The following GABPA variants were observed in gnomAD, a reference collection of about 807,000 sequenced individuals.
The protein encoded by GABPA is GA binding protein transcription factor subunit alpha.
A neutral mutation model predicts 59.4 loss-of-function variants in GABPA; 4 were observed. The ratio of observed to expected loss-of-function variants is 0.07; its 90% CI spans 0.03 to 0.15. GABPA has a LOEUF of 0.15. GABPA is among the 10% of genes least tolerant of loss of function. The pLI, the probability that GABPA is intolerant of heterozygous loss-of-function variation, is 1.00. For synonymous variants in GABPA, 164 were observed against 183.1 expected, an observed-to-expected ratio of 0.90 and a Z score of 0.84; for missense variants, 251 against 543.8, an observed-to-expected ratio of 0.46 and a Z score of 5.36.
In GABPA at chr21:25,735,041, CAG is replaced by C; in HGVS notation, c.-562_-561del. ...TGCGACCGGACGGGTCTAGGTGAGACAGAAGCCAAACAGGAGGAGGAAGTGGA... is the reference window on the plus strand; with the variant it reads ...TGCGACCGGACGGGTCTAGGTGAGACAAGCCAAACAGGAGGAGGAAGTGGA... On this transcript the variant is annotated 5_prime_UTR_variant, in exon 1 of 10. Coordinates refer to ENST00000400075, the MANE Select transcript of GABPA (RefSeq NM_002040.4). The C allele has an allele frequency of 7.1e-7, 1 of 1,408,360 alleles. No individual in the cohort carries two copies. The highest frequency in any genetic ancestry group is 9.7e-7 in the Non-Finnish European group (1 of 1,025,730). The allele number at this position is 1,408,360 out of a possible 1,614,324, so 87.2% of individuals were successfully genotyped here.
intron 5 of GABPA, among the ~76,000 whole-genome samples, chr21:25,755,099 G>A (rs1260467731): frequency 6.6e-6 from 1 of 151,926 alleles, no homozygotes; most frequent in Admixed American, 6.6e-5. Context: ...TTAATGCGAA[G>A]TTCTGAAGGA....
rs1469397709 is a variant in GABPA at position 25,769,994 on chromosome 21, T to A, written c.*762T>A. 3 of 152,602 alleles carry A rather than the reference T, an allele frequency of 2.0e-5. No individual in the cohort carries two copies. The highest frequency in any genetic ancestry group is 2.9e-5 in the Non-Finnish European group (2 of 68,006). The allele number at this position is 152,602 out of a possible 1,614,324, so 9.5% of individuals were successfully genotyped here. On this transcript the variant is annotated 3_prime_UTR_variant, in exon 10 of 10. Coordinates refer to ENST00000400075, the MANE Select transcript of GABPA (RefSeq NM_002040.4). ...CTGTTATAAAAATTATAAAATGATCTCTGTTTTTCCTGTCAGAGATTTAAA... is the reference window on the plus strand; with the variant it reads ...CTGTTATAAAAATTATAAAATGATCACTGTTTTTCCTGTCAGAGATTTAAA...
intron 7 of GABPA, chr21:25,763,208 CT>C (rs2035806101): frequency 5.9e-6 from 3 of 510,482 alleles, no homozygotes; most frequent in East Asian, 5.1e-5. Flanking sequence ...TCTTAAACAT[CT>C]TTCATTAAAA....
At chr21:25,752,325 T>G in intron 5 of GABPA, 91 bp downstream of exon 5, 1 of 1,264,048 alleles carries the variant, frequency 7.9e-7, no homozygotes, top group South Asian at 1.5e-5. Flanking sequence ...CTATTTTACA[T>G]GTAGAGTTAT....
chr21:25,763,158 C>T (rs1039642289), intron 7 of GABPA: 3 of 511,784 alleles, frequency 5.9e-6, no homozygotes, highest in Non-Finnish European at 1.1e-5. Context: ...TGCATTTTCT[C>T]TTGGCATGTT....
chr21:25,756,081 T>C (rs2829893), intron 5 of GABPA, among the ~76,000 whole-genome samples: 5,361 of 152,324 alleles, frequency 0.035, 301 homozygotes, highest in African/African-American at 0.12. Context: ...ACTGTTGTTT[T>C]ACTAGAGTCT....
chr21:25,738,051 T>A (rs1477467192), intron 1 of GABPA, among the ~76,000 whole-genome samples: 1 of 152,218 alleles, frequency 6.6e-6, no homozygotes, highest in African/African-American at 2.4e-5. Flanking sequence ...AGAATTTTTC[T>A]GGAATGCTTA....
chr21:25,752,673 G>T (rs2035543274), intron 5 of GABPA, among the ~76,000 whole-genome samples: 1 of 152,176 alleles, frequency 6.6e-6, no homozygotes. Context: ...GAAATGTTAT[G>T]TGCAAAGCTT....
intron 1 of GABPA, among the ~76,000 whole-genome samples, chr21:25,735,967 A>G (rs2035042350): frequency 6.6e-6 from 1 of 152,158 alleles, no homozygotes; most frequent in African/African-American, 2.4e-5. Context: ...TTTTAAGAGC[A>G]AAATGCAGAC....
At chr21:25,756,576 C>T (rs1244501985) in intron 5 of GABPA, among the ~76,000 whole-genome samples, 1 of 152,166 alleles carries the variant, frequency 6.6e-6, no homozygotes. Flanking sequence ...TTCATCTTGT[C>T]CTGTTGTACT....
chr21:25,764,854 C>A, intron 9 of GABPA, 67 bp downstream of exon 9: 1 of 1,170,912 alleles, frequency 8.5e-7, no homozygotes, highest in Non-Finnish European at 1.2e-6. Flanking sequence ...GTTTCTTATT[C>A]TAGATGTAAT....
At chr21:25,745,489 GT>G in intron 3 of GABPA, 135 bp downstream of exon 3, 2 of 720,312 alleles carry the variant, frequency 2.8e-6, no homozygotes, top group Non-Finnish European at 4.1e-6. Context: ...AAATTTAAGT[GT>G]TTAGAAATAA....
intron 6 of GABPA, among the ~76,000 whole-genome samples, chr21:25,759,078 A>AT (rs1491521592): frequency 6.7e-6 from 1 of 149,292 alleles, no homozygotes; most frequent in Non-Finnish European, 1.5e-5. Flanking sequence ...TGGAAAAAAA[A>AT]GAGAGAGAGA....
In GABPA at chr21:25,735,170, T is replaced by C; in HGVS notation, c.-435T>C. The C allele has an allele frequency of 1.6e-6, 1 of 615,950 alleles. No individual in the cohort carries two copies. The highest frequency in any genetic ancestry group is 1.9e-5 in the South Asian group (1 of 52,950). 38.2% of individuals were successfully genotyped at this position (615,950 alleles called of 1,614,324 possible). On this transcript the variant is annotated 5_prime_UTR_variant, in exon 1 of 10. An upstream start codon of the reference 5' UTR is lost. Transcript: ENST00000400075. ...TCCTTGAAACCTTGCTCTGTACGCA[T>C]GCGCTCTTTGAGTGGCCTTTCCCCT...
intron 4 of GABPA, among the ~76,000 whole-genome samples, chr21:25,751,277 A>T (rs2035504215): frequency 6.6e-6 from 1 of 151,128 alleles, no homozygotes; most frequent in Admixed American, 6.6e-5. Flanking sequence ...TTAATAGTTT[A>T]AATGTGTTTT....
rs554839364 is a variant in GABPA, at chr21:25,751,251, A to G, written c.308-738A>G. On this transcript the variant is annotated intron_variant, in intron 4 of 9. Coordinates refer to ENST00000400075, the MANE Select transcript of GABPA (RefSeq NM_002040.4). ...TGGCTTAATTATAATTTAATTAGGT[A>G]TAATCAAATTATAATTTAATAGTTT... 3.4e-5 allele frequency among the ~76,000 whole-genome samples: 4 copies of G among 116,352 alleles called. 1 individual carries two copies. Among genetic ancestry groups the G allele is most frequent in the African/African-American group, 1.3e-4 (4 of 30,372 alleles). 76.3% of individuals were successfully genotyped at this position (116,352 alleles called of 152,430 possible).
chr21:25,740,188 G>T (rs2035183725), intron 1 of GABPA, among the ~76,000 whole-genome samples: 1 of 152,214 alleles, frequency 6.6e-6, no homozygotes, highest in African/African-American at 2.4e-5. Context: ...CCTCTGAATA[G>T]CGTTCGTATG....
At chr21:25,750,025 C>T (rs1459782503) in intron 4 of GABPA, among the ~76,000 whole-genome samples, 1 of 152,132 alleles carries the variant, frequency 6.6e-6, no homozygotes, top group Non-Finnish European at 1.5e-5. Flanking sequence ...TTATACAACT[C>T]ACCATAATGT....
At chr21:25,764,860 G>A (rs2035852322) in intron 9 of GABPA, 73 bp downstream of exon 9, 2 of 1,093,912 alleles carry the variant, frequency 1.8e-6, no homozygotes, top group Admixed American at 3.0e-5. Flanking sequence ...TATTCTAGAT[G>A]TAATAAGCAT....
Sources: gnomAD v4.1 joint callset for allele counts (sites outside exome capture counted in the v4.1 genomes callset) on GRCh38, gnomAD v4.1.1 for gene constraint, MANE v1.5 for transcripts, NCBI Gene and HGNC (gene_info 2026-07-23, HGNC 2026-07-21) for gene names.